The following VOPP1 variants were observed in gnomAD, a reference collection of about 807,000 sequenced individuals.
VOPP1 encodes the protein WW domain binding protein VOPP1.
A neutral mutation model predicts 23.5 loss-of-function variants in VOPP1; 8 were observed. That is an observed-to-expected ratio of 0.34 (90% CI 0.20 to 0.61). The LOEUF (loss-of-function observed/expected upper bound fraction) is 0.61, where lower values mean the gene tolerates loss of function less well. VOPP1 is among the 20% of genes least tolerant of loss of function. VOPP1 has a pLI of 0.78. For missense variants in VOPP1, 174 were observed against 238.1 expected, an observed-to-expected ratio of 0.73 and a Z score of 1.77; for synonymous variants, 83 against 97.3, an observed-to-expected ratio of 0.85 and a Z score of 0.86.
chr7:55,556,834 C>G (rs978276946), intron 1 of VOPP1, among the ~76,000 whole-genome samples: 5 of 152,140 alleles, frequency 3.3e-5, no homozygotes, highest in African/African-American at 1.2e-4. Flanking sequence ...TAGATTAACT[C>G]CCCCTTCATT....
At chr7:55,497,720 C>G in intron 2 of VOPP1, 30 bp from the exon 3 acceptor site, 1 of 1,608,286 alleles carries the variant, frequency 6.2e-7, no homozygotes, top group Admixed American at 1.7e-5. Flanking sequence ...CTGGTCAGCA[C>G]TGAATTGGAA....
intron 4 of VOPP1, among the ~76,000 whole-genome samples, chr7:55,482,532 C>T (rs926262564): frequency 2.1e-4 from 32 of 148,842 alleles, no homozygotes; most frequent in African/African-American, 7.5e-4. Context: ...GGGGATTCAC[C>T]GTGTTAGTCA....
rs374383004 is a variant in VOPP1 at position 55,513,264 on chromosome 7, C to A, written c.113+7808G>T. 1.5e-4 allele frequency among the ~76,000 whole-genome samples: 23 copies of A among 152,250 alleles called. No individual in the cohort carries two copies. In the South Asian group the frequency reaches 4.4e-3, roughly 29 times the overall value. ...ATCATCCCTACACACTGGCTCCCTC[C>A]CACTTGAGTGGTGCTCTGGAAATTA... On this transcript the variant is annotated intron_variant, in intron 2 of 4. Transcript: ENST00000285279.
intron 1 of VOPP1, among the ~76,000 whole-genome samples, chr7:55,525,394 CAGG>C (rs1584029117): frequency 6.6e-6 from 1 of 151,544 alleles, no homozygotes; most frequent in Non-Finnish European, 1.5e-5. Flanking sequence ...GAGACTGAGT[CAGG>C]AGAATGGCGT....
At chr7:55,545,422 C>T (rs756537482) in intron 1 of VOPP1, among the ~76,000 whole-genome samples, 2 of 152,126 alleles carry the variant, frequency 1.3e-5, no homozygotes, top group Non-Finnish European at 1.5e-5. Context: ...TCCCACCAGC[C>T]CCAGACAAAG....
At chr7:55,498,974 G>A (rs553953757) in intron 2 of VOPP1, among the ~76,000 whole-genome samples, 1 of 151,960 alleles carries the variant, frequency 6.6e-6, no homozygotes, top group African/African-American at 2.4e-5. Context: ...GGACAAACTG[G>A]GCTGAGAGAC....
In VOPP1 at chr7:55,521,125, T is replaced by A. The variant is rs1484433385; in HGVS notation, c.60A>T (p.Thr20=). 3 of 1,578,992 alleles carry A rather than the reference T, an allele frequency of 1.9e-6. No individual in the cohort carries two copies. In the South Asian group the frequency reaches 3.5e-5, roughly 18 times the overall value. The change falls in exon 2 of 5, where the codon ACA becomes ACT. Residue 20 remains threonine, a synonymous_variant. Coordinates refer to ENST00000285279, the MANE Select transcript of VOPP1 (RefSeq NM_030796.5). ...AATACCAGCAATGCTTTTTGGCTTC[T>A]GTGCACTGCAAATAGAAGCAAGAAA... ...ALLLGLLLEC[T]EAKKHCWYFE...
chr7:55,480,579 T>G (rs770374042), intron 4 of VOPP1, among the ~76,000 whole-genome samples: 3 of 152,272 alleles, frequency 2.0e-5, no homozygotes, highest in Non-Finnish European at 2.9e-5. Context: ...TTATAATTTC[T>G]CCCATCTCTA....
intron 4 of VOPP1, 25 bp from the exon 5 acceptor site, chr7:55,473,070 A>G (rs1368733188): frequency 6.3e-6 from 10 of 1,583,948 alleles, no homozygotes; most frequent in Non-Finnish European, 8.6e-6. Flanking sequence ...AACATAGGTG[A>G]GCACAGAAGG....
chr7:55,564,231 C>CTCTCTG (rs1158303294), intron 1 of VOPP1, among the ~76,000 whole-genome samples: 6 of 139,328 alleles, frequency 4.3e-5, no homozygotes, highest in African/African-American at 1.1e-4. Flanking sequence ...CACACTCTTT[C>CTCTCTG]TCTCTGTCTC....
chr7:55,470,362 A>T (rs1791745528), downstream of VOPP1, among the ~76,000 whole-genome samples: 1 of 152,242 alleles, frequency 6.6e-6, no homozygotes, highest in South Asian at 2.1e-4. Context: ...GCCCTAGCTC[A>T]AGGTTAACTT....
At chr7:55,461,931 G>C (rs1791510517) in intron 4 of VOPP1, among the ~76,000 whole-genome samples, 1 of 152,068 alleles carries the variant, frequency 6.6e-6, no homozygotes, top group African/African-American at 2.4e-5. Flanking sequence ...ATTTGTATCT[G>C]CTCCACCAGT....
chr7:55,445,564 A>C (rs1256424495), intron 4 of VOPP1, among the ~76,000 whole-genome samples: 2 of 152,212 alleles, frequency 1.3e-5, no homozygotes, highest in East Asian at 3.9e-4. Context: ...ATCTCTGTCA[A>C]CCTAGGACAA....
chr7:55,436,121 C>T (rs1258522130), exon 5 of VOPP1: 1 of 152,290 alleles, frequency 6.6e-6, no homozygotes, highest in Non-Finnish European at 1.5e-5. Context: ...CAGTGTGACA[C>T]CTTGTGGGCA....
intron 1 of VOPP1, among the ~76,000 whole-genome samples, chr7:55,536,895 AAG>A (rs1357382897): frequency 2.0e-5 from 3 of 152,290 alleles, no homozygotes; most frequent in African/African-American, 4.8e-5. Flanking sequence ...CCACAAATGC[AAG>A]AGACAGTGAA....
intron 4 of VOPP1, among the ~76,000 whole-genome samples, chr7:55,483,407 G>A (rs1039142348): frequency 3.3e-5 from 5 of 152,092 alleles, no homozygotes; most frequent in Admixed American, 1.3e-4. Context: ...CATTACAGAG[G>A]GGGAATCTGA....
At chr7:55,476,104 C>G (rs139357157) in intron 4 of VOPP1, among the ~76,000 whole-genome samples, 2 of 152,136 alleles carry the variant, frequency 1.3e-5, no homozygotes, top group South Asian at 4.1e-4. Context: ...CCGTGTGGAG[C>G]GCCGTCTAAG....
Position 55,459,040 on chromosome 7 carries a change from A to C in VOPP1, n.418-22866T>G, listed in dbSNP as rs573909062. ...GTCATATATGGCCTTTATTATGTTG[A>C]GGTATGTTCCTTGTATGTCTAATTT... On this transcript the variant is annotated intron_variant and non_coding_transcript_variant, in intron 4 of 4. Coordinates refer to the VOPP1 transcript ENST00000462326. Among the ~76,000 whole-genome samples the C allele has an allele frequency of 2.0e-4, 31 of 151,728 alleles. No homozygotes were observed. In the South Asian group the frequency reaches 6.3e-3, roughly 31 times the overall value.
intron 4 of VOPP1, among the ~76,000 whole-genome samples, chr7:55,460,302 A>C (rs778094992): frequency 2.0e-5 from 3 of 152,210 alleles, no homozygotes; most frequent in Non-Finnish European, 4.4e-5. Context: ...ATCCTGGAGA[A>C]TGTTCCATGT....
Sources: allele counts gnomAD v4.1 joint callset (sites outside exome capture counted in the v4.1 genomes callset), GRCh38; gene constraint gnomAD v4.1.1; transcripts MANE v1.5; gene names NCBI Gene and HGNC (gene_info 2026-07-23, HGNC 2026-07-21).